The following RBFOX1 variants were observed in gnomAD, a reference collection of about 807,000 sequenced individuals.
RBFOX1 encodes the protein RNA binding fox-1 homolog 1, also known as RNA binding protein fox-1 homolog 1.
RBFOX1 carries 8 observed loss-of-function variants against 57.7 expected under a neutral mutation model. The ratio of observed to expected loss-of-function variants is 0.14; its 90% CI spans 0.08 to 0.25. The LOEUF (loss-of-function observed/expected upper bound fraction) is 0.25, where lower values mean the gene tolerates loss of function less well. Among genes scored for constraint, RBFOX1 ranks in the 10% least tolerant of loss-of-function variants. The probability of loss-of-function intolerance (pLI) is 1.00; values close to 1 mark genes in which losing one functional copy is unlikely to be tolerated. For synonymous variants in RBFOX1, 326 were observed against 222.4 expected, an observed-to-expected ratio of 1.47 and a Z score of -4.15; for missense variants, 611 against 548.5, an observed-to-expected ratio of 1.11 and a Z score of -1.14.
At chr16:7,644,509 G>A (rs925782943) in intron 11 of RBFOX1, among the ~76,000 whole-genome samples, 2 of 152,136 alleles carry the variant, frequency 1.3e-5, no homozygotes, top group Non-Finnish European at 2.9e-5. Flanking sequence ...GTTTCTGTGG[G>A]AATATGCATC....
chr16:7,254,329 C>A (rs1393199868), intron 4 of RBFOX1, among the ~76,000 whole-genome samples: 1 of 152,108 alleles, frequency 6.6e-6, no homozygotes. Context: ...ACTAATTCAG[C>A]AGGAAGACCA....
At chr16:7,295,532 A>G (rs953925668) in intron 4 of RBFOX1, among the ~76,000 whole-genome samples, 2 of 152,204 alleles carry the variant, frequency 1.3e-5, no homozygotes, top group Non-Finnish European at 2.9e-5. Flanking sequence ...AAGTATCATT[A>G]TTCTCCTTAG....
intron 3 of RBFOX1, among the ~76,000 whole-genome samples, chr16:5,637,883 C>A (rs2048734791): frequency 6.6e-6 from 1 of 152,188 alleles, no homozygotes; most frequent in African/African-American, 2.4e-5. Context: ...ATCTGCTACT[C>A]CCTGGAGGAA....
chr16:7,064,237 C>T (rs551374791), intron 4 of RBFOX1, among the ~76,000 whole-genome samples: 1 of 139,740 alleles, frequency 7.2e-6, no homozygotes, highest in Non-Finnish European at 1.5e-5. Flanking sequence ...GGCGTGATCT[C>T]TGCTCACTGC....
intron 3 of RBFOX1, among the ~76,000 whole-genome samples, chr16:6,695,413 C>T (rs1402712316): frequency 3.7e-5 from 4 of 109,106 alleles, no homozygotes; most frequent in Non-Finnish European, 3.4e-5. Flanking sequence ...GAAACTCTGT[C>T]AAAAAAAAAA....
intron 4 of RBFOX1, among the ~76,000 whole-genome samples, chr16:7,166,789 C>T (rs994381970): frequency 2.0e-5 from 3 of 152,052 alleles, no homozygotes; most frequent in South Asian, 2.1e-4. Context: ...GGACAGACAG[C>T]CAAAGGAGTG....
intron 3 of RBFOX1, among the ~76,000 whole-genome samples, chr16:6,700,268 C>T (rs751083812): frequency 2.1e-4 from 32 of 152,164 alleles, no homozygotes; most frequent in Non-Finnish European, 4.1e-4. Context: ...AATAGCTGAA[C>T]CCAAGGCTTG....
chr16:7,101,864 G>C (rs1049136813), intron 4 of RBFOX1, among the ~76,000 whole-genome samples: 6 of 152,096 alleles, frequency 3.9e-5, no homozygotes, highest in African/African-American at 1.4e-4. Context: ...CCCAGGTCCA[G>C]GGATTGTACA....
chr16:7,399,449 A>G (rs999561452), intron 4 of RBFOX1, among the ~76,000 whole-genome samples: 1 of 152,180 alleles, frequency 6.6e-6, no homozygotes, highest in Non-Finnish European at 1.5e-5. Flanking sequence ...CTCTGTCTCA[A>G]ATAAATAAAT....
chr16:6,292,363 C>A (rs2077560571), intron 1 of RBFOX1, among the ~76,000 whole-genome samples: 1 of 149,550 alleles, frequency 6.7e-6, no homozygotes, highest in Non-Finnish European at 1.5e-5. Context: ...GAAACAGTTC[C>A]ACAGATTTTT....
At chr16:5,721,336 C>T (rs949186669) in intron 3 of RBFOX1, among the ~76,000 whole-genome samples, 1 of 152,054 alleles carries the variant, frequency 6.6e-6, no homozygotes, top group African/African-American at 2.4e-5. Context: ...GGTTTTAATA[C>T]TTGTGTGGGT....
intron 10 of RBFOX1, among the ~76,000 whole-genome samples, chr16:7,625,155 T>C (rs1201538640): frequency 6.6e-6 from 1 of 152,050 alleles, no homozygotes; most frequent in Non-Finnish European, 1.5e-5. Context: ...CTTAGTCCTT[T>C]AATGTGTAAA....
At chr16:6,288,646 G>C (rs933505059) in intron 1 of RBFOX1, among the ~76,000 whole-genome samples, 4 of 152,126 alleles carry the variant, frequency 2.6e-5, no homozygotes, top group African/African-American at 9.7e-5. Flanking sequence ...GCAAAATTGA[G>C]ATTTAAACCC....
chr16:5,897,391 T>A (rs930892021), intron 4 of RBFOX1, among the ~76,000 whole-genome samples: 2 of 152,182 alleles, frequency 1.3e-5, no homozygotes, highest in African/African-American at 2.4e-5. Context: ...TCTCTGCATC[T>A]TTATCCACCC....
chr16:6,046,598 G>T (rs1299594527), intron 1 of RBFOX1, among the ~76,000 whole-genome samples: 1 of 147,096 alleles, frequency 6.8e-6, no homozygotes. Context: ...GAGAAAAGTA[G>T]ATACCAAGGG....
chr16:7,160,044 G>T (rs1205807496), intron 4 of RBFOX1, among the ~76,000 whole-genome samples: 1 of 152,154 alleles, frequency 6.6e-6, no homozygotes, highest in African/African-American at 2.4e-5. Context: ...AACTGTGTCA[G>T]TGTGCCTGTT....
At chr16:7,448,578 C>G (rs2098826381) in intron 4 of RBFOX1, among the ~76,000 whole-genome samples, 2 of 152,142 alleles carry the variant, frequency 1.3e-5, no homozygotes, top group Admixed American at 6.5e-5. Flanking sequence ...CGGGTCCCTC[C>G]CATGACACAT....
chr16:6,617,842 A>C (rs1334569061), intron 2 of RBFOX1, among the ~76,000 whole-genome samples: 1 of 152,172 alleles, frequency 6.6e-6, no homozygotes, highest in Non-Finnish European at 1.5e-5. Context: ...TCCTTGAGGA[A>C]GTGATGTGAG....
At chr16:6,202,936 A>G (rs1250343987) in intron 1 of RBFOX1, among the ~76,000 whole-genome samples, 1 of 151,890 alleles carries the variant, frequency 6.6e-6, no homozygotes, top group Non-Finnish European at 1.5e-5. Context: ...CCATGCCTGG[A>G]TAATTTTTCA....
Sources: allele counts gnomAD v4.1 joint callset (sites outside exome capture counted in the v4.1 genomes callset), GRCh38; gene constraint gnomAD v4.1.1; transcripts MANE v1.5; gene names NCBI Gene and HGNC (gene_info 2026-07-23, HGNC 2026-07-21).